The following PDE4D variants were observed in gnomAD, a reference collection of about 807,000 sequenced individuals.
PDE4D encodes the protein phosphodiesterase 4D, also known as 3',5'-cyclic-AMP phosphodiesterase 4D.
A neutral mutation model predicts 87.4 loss-of-function variants in PDE4D; 24 were observed. That is an observed-to-expected ratio of 0.27 (90% CI 0.20 to 0.39). The LOEUF (loss-of-function observed/expected upper bound fraction) is 0.39, where lower values mean the gene tolerates loss of function less well. PDE4D is among the 10% of genes least tolerant of loss of function. The pLI is 1.00. For missense variants in PDE4D, 714 were observed against 1,041.0 expected (o/e 0.69, Z 4.32); for synonymous variants, 384 against 383.2 (o/e 1.00, Z -0.02).
At chr5:60,474,902 G>A (rs1024653057) in intron 1 of PDE4D, among the ~76,000 whole-genome samples, 18 of 152,186 alleles carry the variant, frequency 1.2e-4, no homozygotes, top group African/African-American at 2.9e-4. Flanking sequence ...TGCTGGCAGC[G>A]AAAGGATGTG....
rs186640839 is a variant in PDE4D at position 59,863,102 on chromosome 5, C to T, written c.455+30066G>A. On this transcript the variant is annotated intron_variant, in intron 1 of 14. Transcript: ENST00000340635. The stretch of plus-strand genomic sequence containing the variant: ...AGGGCATTAGATGATCTTCTTGCTC[C>T]AACATTCAATAATTTTACATTTTAT... Among the ~76,000 whole-genome samples, 12 of 152,222 alleles carry T rather than the reference C, an allele frequency of 7.9e-5. No homozygotes were observed. In the East Asian group the frequency reaches 2.1e-3, roughly 27 times the overall value.
intron 1 of PDE4D, among the ~76,000 whole-genome samples, chr5:60,394,779 T>C (rs1267901942): frequency 6.6e-6 from 1 of 152,214 alleles, no homozygotes; most frequent in Non-Finnish European, 1.5e-5. Flanking sequence ...TATTTACATA[T>C]GTTTAAGATC....
At chr5:60,016,420 T>C (rs1339556566) in intron 2 of PDE4D, among the ~76,000 whole-genome samples, 1 of 152,182 alleles carries the variant, frequency 6.6e-6, no homozygotes, top group African/African-American at 2.4e-5. Flanking sequence ...GGGGTGGCTA[T>C]GTCAATTTCT....
chr5:60,104,979 T>C (rs969561362), intron 2 of PDE4D, among the ~76,000 whole-genome samples: 1 of 152,154 alleles, frequency 6.6e-6, no homozygotes, highest in African/African-American at 2.4e-5. Flanking sequence ...AGGAACGCAG[T>C]TCCTCACCAG....
At chr5:59,962,529 A>T (rs976441525) in intron 3 of PDE4D, among the ~76,000 whole-genome samples, 5 of 151,308 alleles carry the variant, frequency 3.3e-5, no homozygotes, top group African/African-American at 1.2e-4. Flanking sequence ...TGAAAAAAAA[A>T]TTTAAATATT....
chr5:59,181,682 T>C (rs1561646657), intron 4 of PDE4D, among the ~76,000 whole-genome samples: 1 of 151,678 alleles, frequency 6.6e-6, no homozygotes, highest in Non-Finnish European at 1.5e-5. Context: ...ATTATCTCAT[T>C]GAATCCTTAC....
intron 1 of PDE4D, among the ~76,000 whole-genome samples, chr5:60,493,602 A>G (rs1226794322): frequency 6.6e-6 from 1 of 151,898 alleles, no homozygotes; most frequent in African/African-American, 2.4e-5. Context: ...TCATTCATTC[A>G]TTCATTCATT....
In PDE4D at chr5:60,077,522, C is replaced by A. The variant is rs78254809; in HGVS notation, c.43-88805G>T. On this transcript the variant is annotated intron_variant, in intron 2 of 16. Coordinates refer to the PDE4D transcript ENST00000502484. ...CTACCTGGGGACTGCACTGCAAGCA[C>A]CTGCAGCCAGGCTGGGGCCCCTGGA... 7.0e-3 allele frequency among the ~76,000 whole-genome samples: 1,067 copies of A among 152,250 alleles called. 21 individuals are homozygous for A. Among genetic ancestry groups the A allele is most frequent in the East Asian group, 0.045 (230 of 5,164 alleles).
At chr5:59,528,921 A>G in intron 1 of PDE4D, 2 of 399,266 alleles carry the variant, frequency 5.0e-6, no homozygotes, top group Non-Finnish European at 1.0e-5. Context: ...CCCTCGACTC[A>G]GCCAAATATG....
At chr5:59,685,540 T>C (rs908298145) in intron 1 of PDE4D, among the ~76,000 whole-genome samples, 2 of 152,204 alleles carry the variant, frequency 1.3e-5, no homozygotes, top group Non-Finnish European at 2.9e-5. Context: ...ATTTTCCCTG[T>C]TTGAAAGCAG....
intron 6 of PDE4D, among the ~76,000 whole-genome samples, chr5:59,003,719 T>C (rs565566607): frequency 6.6e-6 from 1 of 152,160 alleles, no homozygotes; most frequent in East Asian, 1.9e-4. Flanking sequence ...TATAAGGTGA[T>C]CATGGAAAGC....
chr5:59,971,362 A>AT (rs1156941384), intron 3 of PDE4D, among the ~76,000 whole-genome samples: 8 of 144,510 alleles, frequency 5.5e-5, no homozygotes, highest in South Asian at 2.3e-4. Flanking sequence ...TATAATAATA[A>AT]AAAATAAATA....
At chr5:59,544,737 G>C (rs1816964435) in intron 1 of PDE4D, among the ~76,000 whole-genome samples, 2 of 152,146 alleles carry the variant, frequency 1.3e-5, no homozygotes, top group African/African-American at 2.4e-5. Context: ...AGCTGAATTA[G>C]CAAGTGTTTT....
intron 1 of PDE4D, among the ~76,000 whole-genome samples, chr5:59,818,799 G>A (rs1769287133): frequency 6.6e-6 from 1 of 151,626 alleles, no homozygotes; most frequent in South Asian, 2.1e-4. Flanking sequence ...CCTTTCTGGT[G>A]CCAAAAACTC....
chr5:58,999,986 G>C (rs576347826), intron 6 of PDE4D: 2 of 801,848 alleles, frequency 2.5e-6, no homozygotes, highest in African/African-American at 3.7e-5. Flanking sequence ...CCCCAACTCT[G>C]CACCAATTGC....
chr5:59,627,442 T>G (rs913542154), intron 1 of PDE4D, among the ~76,000 whole-genome samples: 3 of 152,228 alleles, frequency 2.0e-5, no homozygotes, highest in Non-Finnish European at 4.4e-5. Flanking sequence ...CATTGCCACA[T>G]GTATTTCATA....
At chr5:59,738,682 C>T (rs1223084565) in intron 1 of PDE4D, among the ~76,000 whole-genome samples, 5 of 151,554 alleles carry the variant, frequency 3.3e-5, no homozygotes, top group Middle Eastern at 3.4e-3. Flanking sequence ...TTTTACATGC[C>T]TGAAATATTT....
intron 1 of PDE4D, among the ~76,000 whole-genome samples, chr5:59,421,554 C>A (rs1000005324): frequency 6.6e-6 from 1 of 152,094 alleles, no homozygotes; most frequent in African/African-American, 2.4e-5. Context: ...ACTAAGGTGA[C>A]TCCTGTGTTT....
chr5:59,306,225 T>C lies in PDE4D; in HGVS notation c.456-90257A>G, dbSNP rs562945074. ...AATAGCTACCTCTGCTGGCTTTTGG[T>C]GTCCATTTGCATGGAAAGTCTTTTC... is the stretch of plus-strand genomic sequence containing the variant. On this transcript the variant is annotated intron_variant, in intron 1 of 14. Coordinates refer to ENST00000340635, the MANE Select transcript of PDE4D (RefSeq NM_001104631.2). Among the ~76,000 whole-genome samples, 21 of 152,342 alleles carry C rather than the reference T, an allele frequency of 1.4e-4. 1 individual carries two copies. Among genetic ancestry groups the C allele is most frequent in the Admixed American group, 3.9e-4 (6 of 15,288 alleles).
Sources: gnomAD v4.1 joint callset for allele counts (sites outside exome capture counted in the v4.1 genomes callset) on GRCh38, gnomAD v4.1.1 for gene constraint, MANE v1.5 for transcripts, NCBI Gene and HGNC (gene_info 2026-07-23, HGNC 2026-07-21) for gene names.